Variants in NRXN3 observed in about 807,000 individuals in gnomAD.
The protein encoded by NRXN3 is neurexin 3.
A neutral mutation model predicts 137.6 loss-of-function variants in NRXN3; 32 were observed. That is an observed-to-expected ratio of 0.23 (90% CI 0.18 to 0.31). NRXN3 has a LOEUF of 0.31. Ranked by LOEUF, NRXN3 falls within the 10% of genes least tolerant of loss-of-function variation. The probability of loss-of-function intolerance (pLI) is 1.00; values close to 1 mark genes in which losing one functional copy is unlikely to be tolerated. For missense variants in NRXN3, 1,574 were observed against 2,062.5 expected, an observed-to-expected ratio of 0.76 and a Z score of 4.59; for synonymous variants, 798 against 784.5, an observed-to-expected ratio of 1.02 and a Z score of -0.29.
intron 15 of NRXN3, among the ~76,000 whole-genome samples, chr14:79,441,971 C>T (rs1481010967): frequency 6.6e-6 from 1 of 152,060 alleles, no homozygotes; most frequent in African/African-American, 2.4e-5. Flanking sequence ...TTTTCTCTCC[C>T]ATGCTTTTCT....
chr14:78,878,340 T>C (rs1196895182), intron 10 of NRXN3, among the ~76,000 whole-genome samples: 1 of 152,168 alleles, frequency 6.6e-6, no homozygotes, highest in African/African-American at 2.4e-5. Flanking sequence ...AGAGAATCTT[T>C]CCACATTACA....
At chr14:79,074,999 G>A (rs1185443979) in intron 15 of NRXN3, among the ~76,000 whole-genome samples, 1 of 152,178 alleles carries the variant, frequency 6.6e-6, no homozygotes, top group Non-Finnish European at 1.5e-5. Context: ...GCAAATTGTT[G>A]TAGGGAAGTG....
intron 15 of NRXN3, among the ~76,000 whole-genome samples, chr14:79,153,917 A>T (rs2153040986): frequency 6.6e-6 from 1 of 152,088 alleles, no homozygotes; most frequent in African/African-American, 2.4e-5. Context: ...ATCCTCACAG[A>T]TGCTCACAGA....
At chr14:78,619,743 G>C (rs559937156) in intron 4 of NRXN3, among the ~76,000 whole-genome samples, 5 of 152,040 alleles carry the variant, frequency 3.3e-5, no homozygotes, top group African/African-American at 1.2e-4. Flanking sequence ...AATTTCCTGA[G>C]GTTTCCCAAG....
In NRXN3 at chr14:78,243,506, G is replaced by A. The variant is rs781273991; in HGVS notation, c.413G>A (p.Arg138Gln). ...CAGTCTGGGGAGCTGCAGCCCCAGC[G>A]GCCCTACATGGATGTGGTCAGTGAC... ...EGQSGELQPQ[R>Q]PYMDVVSDLF... Residue 138 changes from arginine (R) to glutamine (Q), a missense_variant, in exon 2 of 21, where the codon CGG (arginine) becomes CAG (glutamine). Physicochemically the swap from Arg to Gln is conservative, Grantham distance 43. This residue lies in a region of NRXN3 where 400 missense variants were observed against 527.3 expected (regional missense o/e 0.76). Coordinates refer to ENST00000335750, the MANE Select transcript of NRXN3 (RefSeq NM_001330195.2). This position sits in a 1 kb window ranked among gnomAD's most constrained non-coding sequence, Gnocchi z 4.2. The A allele has an allele frequency of 1.2e-5, 19 of 1,593,930 alleles. No individual in the cohort carries two copies. The highest frequency in any genetic ancestry group is 1.6e-4 in the Middle Eastern group (1 of 6,078).
In NRXN3 at chr14:79,763,241, G is replaced by A. The variant is rs528878003; in HGVS notation, c.4015-41871G>A. 3.2e-4 allele frequency among the ~76,000 whole-genome samples: 48 copies of A among 151,628 alleles called. 1 individual carries two copies. The highest frequency in any genetic ancestry group is 3.3e-4 in the Admixed American group (5 of 15,274). ...TTGCATAGTATTCCATGGTGTATACGTGCCACATTTTCTTTATCCAGTCTA... is the reference window on the plus strand; with the variant it reads ...TTGCATAGTATTCCATGGTGTATACATGCCACATTTTCTTTATCCAGTCTA... On this transcript the variant is annotated intron_variant, in intron 19 of 20. Coordinates refer to ENST00000335750, the MANE Select transcript of NRXN3 (RefSeq NM_001330195.2).
At chr14:79,320,441 A>G (rs1377980831) in intron 15 of NRXN3, among the ~76,000 whole-genome samples, 1 of 152,176 alleles carries the variant, frequency 6.6e-6, no homozygotes, top group African/African-American at 2.4e-5. Flanking sequence ...TATGAAGCTC[A>G]TGATGATGTC....
At position 79,866,818 on chromosome 14, in the gene NRXN3, T is replaced by C. The variant is rs2099418241; in HGVS notation, c.*4854T>C. ...GAGAGAATGGGATCAGAAACTGACA[T>C]ATTGCTACAGAGGTTACAAAAGCTG... is the stretch of plus-strand genomic sequence containing the variant. On this transcript the variant is annotated 3_prime_UTR_variant, in exon 21 of 21. Transcript: ENST00000335750. The C allele has an allele frequency of 6.6e-6, 1 of 152,126 alleles. No individual in the cohort carries two copies. Among genetic ancestry groups the C allele is most frequent in the Admixed American group, 6.5e-5 (1 of 15,274 alleles). 9.4% of individuals were successfully genotyped at this position (152,126 alleles called of 1,614,324 possible). A position where few individuals can be genotyped will look rare whatever the true frequency, so the allele number is the denominator to read the frequency against.
At chr14:78,908,107 T>C (rs1421913210) in intron 10 of NRXN3, among the ~76,000 whole-genome samples, 3 of 152,084 alleles carry the variant, frequency 2.0e-5, no homozygotes, top group Non-Finnish European at 2.9e-5. Flanking sequence ...TGAACGTAAG[T>C]GTGCATCTGT....
chr14:78,492,640 G>T (rs369201664), intron 4 of NRXN3, among the ~76,000 whole-genome samples: 18 of 152,110 alleles, frequency 1.2e-4, no homozygotes, highest in South Asian at 2.1e-4. Context: ...CCAGTATAAA[G>T]CTATTTACAG....
intron 4 of NRXN3, among the ~76,000 whole-genome samples, chr14:78,606,479 C>G (rs1012889379): frequency 2.0e-5 from 3 of 152,170 alleles, no homozygotes; most frequent in Admixed American, 2.0e-4. Context: ...ATCTTTGTCC[C>G]TTCCTTAGTT....
intron 16 of NRXN3, among the ~76,000 whole-genome samples, chr14:79,557,306 TC>T (rs1252449350): frequency 6.8e-6 from 1 of 146,808 alleles, no homozygotes; most frequent in Non-Finnish European, 1.5e-5. Context: ...AAAGACCACC[TC>T]CTCCCCCTGC....
intron 16 of NRXN3, among the ~76,000 whole-genome samples, chr14:79,597,036 G>A (rs2097865115): frequency 6.6e-6 from 1 of 152,234 alleles, no homozygotes; most frequent in Non-Finnish European, 1.5e-5. Context: ...CCTGGCAAAG[G>A]GAAGATCCTC....
At chr14:78,585,049 G>T (rs2152379590) in intron 4 of NRXN3, among the ~76,000 whole-genome samples, 1 of 145,152 alleles carries the variant, frequency 6.9e-6, no homozygotes, top group South Asian at 2.2e-4. Context: ...CCTATTTGAG[G>T]AAAAGAGACA....
chr14:79,800,285 G>A (rs1302438440), intron 19 of NRXN3, among the ~76,000 whole-genome samples: 1 of 152,192 alleles, frequency 6.6e-6, no homozygotes, highest in East Asian at 1.9e-4. Context: ...TTTCCTGGAG[G>A]AGCGTGGATG....
chr14:78,601,676 T>A (rs1236334166), intron 4 of NRXN3, among the ~76,000 whole-genome samples: 1 of 152,164 alleles, frequency 6.6e-6, no homozygotes, highest in African/African-American at 2.4e-5. Flanking sequence ...GGATGGTCTC[T>A]ATCTCCTGAC....
chr14:78,863,831 TCTC>T (rs1442575575), intron 10 of NRXN3, among the ~76,000 whole-genome samples: 2 of 152,058 alleles, frequency 1.3e-5, no homozygotes, highest in Non-Finnish European at 2.9e-5. Context: ...TCCTCCCACT[TCTC>T]CTTCCTCCTC....
chr14:79,614,071 G>A (rs1849979270), intron 16 of NRXN3, among the ~76,000 whole-genome samples: 1 of 152,156 alleles, frequency 6.6e-6, no homozygotes, highest in Non-Finnish European at 1.5e-5. Flanking sequence ...ATCTGCTATG[G>A]TTGTTAGAAA....
chr14:78,223,295 T>G (rs1354348076), intron 1 of NRXN3, among the ~76,000 whole-genome samples: 1 of 152,248 alleles, frequency 6.6e-6, no homozygotes, highest in Non-Finnish European at 1.5e-5. Flanking sequence ...GAAAATAGTC[T>G]GATGCTTCTA....
Sources: allele counts gnomAD v4.1 joint callset (sites outside exome capture counted in the v4.1 genomes callset), GRCh38; gene constraint gnomAD v4.1.1; regional missense constraint gnomAD v4.1.1; non-coding constraint Gnocchi (gnomAD v3.1); transcripts MANE v1.5; gene names NCBI Gene and HGNC (gene_info 2026-07-23, HGNC 2026-07-21).